The following PLXNA4 variants were observed in gnomAD, a reference collection of about 807,000 sequenced individuals.
The protein encoded by PLXNA4 is plexin A4.
In PLXNA4, 44 loss-of-function variants were observed where a neutral mutation model predicts 191.8. That is an observed-to-expected ratio of 0.23 (90% CI 0.18 to 0.29). PLXNA4 has a LOEUF of 0.29. PLXNA4 is among the 10% of genes least tolerant of loss of function. PLXNA4 has a pLI of 1.00. For missense variants in PLXNA4, 1,800 were observed against 2,488.8 expected, an observed-to-expected ratio of 0.72 and a Z score of 5.89; for synonymous variants, 1,082 against 1,009.5, an observed-to-expected ratio of 1.07 and a Z score of -1.36.
At chr7:132,221,950 A>G (rs893603889) in intron 9 of PLXNA4, among the ~76,000 whole-genome samples, 16 of 152,210 alleles carry the variant, frequency 1.1e-4, no homozygotes, top group Non-Finnish European at 2.1e-4. Context: ...TATCTAGCAA[A>G]GGTTTTATCT....
intron 26 of PLXNA4, 25 bp from the exon 27 acceptor site, chr7:132,148,024 CCTAGGCACAGCAGCT>C: frequency 3.1e-6 from 5 of 1,614,084 alleles, no homozygotes; most frequent in Non-Finnish European, 4.2e-6. Context: ...CTTCTCAGGG[CCTAGGCACAGCAGCT>C]CTGCCACTCC....
At chr7:132,428,522 G>A (rs996612665) in intron 3 of PLXNA4, among the ~76,000 whole-genome samples, 4 of 152,326 alleles carry the variant, frequency 2.6e-5, no homozygotes, top group East Asian at 1.9e-4. Flanking sequence ...TCTAGGGCCC[G>A]AGAGCAGGCG....
rs374306009 is a variant in PLXNA4 at position 132,164,139 on chromosome 7, C to T, written c.4500+3G>A. 18 of 1,613,588 alleles carry T rather than the reference C, an allele frequency of 1.1e-5. No individual in the cohort carries two copies. The highest frequency in any genetic ancestry group is 8.0e-5 in the African/African-American group (6 of 74,934). On this transcript the variant is annotated splice_donor_region_variant and intron_variant, in intron 24 of 31. Transcript: ENST00000321063. ...CCCAGGGGAAACAGATGGGTGGGCT[C>T]ACCAGGGTTTTGTAGTCAATCTGCT...
At chr7:132,499,117 C>T (rs989656336) in intron 2 of PLXNA4, among the ~76,000 whole-genome samples, 1 of 152,216 alleles carries the variant, frequency 6.6e-6, no homozygotes, top group Non-Finnish European at 1.5e-5. Context: ...TAACCAATAG[C>T]GAGCTTTAGC....
intron 3 of PLXNA4, among the ~76,000 whole-genome samples, chr7:132,459,970 A>G (rs1469867102): frequency 2.7e-5 from 4 of 148,782 alleles, no homozygotes; most frequent in Non-Finnish European, 5.9e-5. Flanking sequence ...TAACCTACAC[A>G]TCAGCATATA....
intron 3 of PLXNA4, among the ~76,000 whole-genome samples, chr7:132,433,189 GAAA>G (rs1795338229): frequency 6.6e-6 from 1 of 152,118 alleles, no homozygotes; most frequent in Non-Finnish European, 1.5e-5. Flanking sequence ...AACTTGGGGG[GAAA>G]AATCAATAGT....
chr7:132,628,351 G>A lies in PLXNA4; in HGVS notation c.-87+17577C>T, dbSNP rs773178081. Among the ~76,000 whole-genome samples the A allele has an allele frequency of 8.1e-5, 12 of 147,384 alleles. No homozygotes were observed. In the South Asian group the frequency reaches 8.7e-4, roughly 11 times the overall value. On this transcript the variant is annotated intron_variant, in intron 2 of 4. Coordinates refer to the PLXNA4 transcript ENST00000378539. ...TTCTCTCTTGCTCTGTCTCTCTCTC[G>A]CTCTCTCTCTCTCTCTGTTTCTCTC...
rs1175479037 is a variant in PLXNA4, at chr7:132,493,739, GTGGATGGGTGGATGGATGGATGGA to G, written c.1189-4289_1189-4266del. Among the ~76,000 whole-genome samples the G allele has an allele frequency of 4.9e-5, 7 of 141,780 alleles. No individual in the cohort carries two copies. The East Asian group carries it at 1.3e-3, about 26-fold the overall frequency. 93.0% of individuals were successfully genotyped at this position (141,780 alleles called of 152,430 possible). On this transcript the variant is annotated intron_variant, in intron 2 of 31. Coordinates refer to ENST00000321063, the MANE Select transcript of PLXNA4 (RefSeq NM_020911.2). ...GATGGATGGGTGGATGGGTGGATGG[GTGGATGGGTGGATGGATGGATGGA>G]TGGATGGATGGATGGATGGATGGAT...
chr7:132,136,854 T>C (rs1227296249), intron 30 of PLXNA4, among the ~76,000 whole-genome samples: 1 of 152,172 alleles, frequency 6.6e-6, no homozygotes, highest in Non-Finnish European at 1.5e-5. Flanking sequence ...ATTCCCAATA[T>C]GTACCTTTCA....
intron 3 of PLXNA4, among the ~76,000 whole-genome samples, chr7:132,332,681 T>A (rs949369569): frequency 1.3e-5 from 2 of 150,584 alleles, no homozygotes; most frequent in Non-Finnish European, 3.0e-5. Context: ...AGACCCCATT[T>A]CTAAAAAAAA....
chr7:132,383,100 C>G (rs1804965386), intron 3 of PLXNA4, among the ~76,000 whole-genome samples: 1 of 152,162 alleles, frequency 6.6e-6, no homozygotes, highest in Non-Finnish European at 1.5e-5. Context: ...TTTATCCCAG[C>G]AGTGGGGAAA....
chr7:132,200,726 C>A (rs1442345089), intron 12 of PLXNA4, among the ~76,000 whole-genome samples: 1 of 152,234 alleles, frequency 6.6e-6, no homozygotes, highest in Non-Finnish European at 1.5e-5. Context: ...TCACACATCC[C>A]TGGTGCACGT....
chr7:132,582,548 C>T (rs968145574), intron 2 of PLXNA4, among the ~76,000 whole-genome samples: 1 of 152,152 alleles, frequency 6.6e-6, no homozygotes. Context: ...TCTCTTTAGT[C>T]CCTTGGACCT....
chr7:132,383,269 G>A (rs1804973456), intron 3 of PLXNA4, among the ~76,000 whole-genome samples: 2 of 152,084 alleles, frequency 1.3e-5, no homozygotes, highest in South Asian at 4.1e-4. Flanking sequence ...TAGCTGGCTG[G>A]CTGCACACAC....
intron 3 of PLXNA4, among the ~76,000 whole-genome samples, chr7:132,445,050 G>T (rs1431010085): frequency 6.6e-6 from 1 of 151,162 alleles, no homozygotes; most frequent in African/African-American, 2.4e-5. Context: ...AGCTACTCGG[G>T]AGGCTGAGGC....
chr7:132,605,595 T>C (rs1802907669), intron 2 of PLXNA4, among the ~76,000 whole-genome samples: 1 of 152,046 alleles, frequency 6.6e-6, no homozygotes, highest in African/African-American at 2.4e-5. Context: ...AGTTGGAACT[T>C]GGTTTGGTTA....
chr7:132,216,648 C>G (rs561995131), intron 9 of PLXNA4, among the ~76,000 whole-genome samples: 1 of 152,280 alleles, frequency 6.6e-6, no homozygotes, highest in Admixed American at 6.5e-5. Flanking sequence ...TTTCCATGTG[C>G]TATATTGTTT....
chr7:132,389,617 A>C (rs1352508001), intron 3 of PLXNA4, among the ~76,000 whole-genome samples: 2 of 152,090 alleles, frequency 1.3e-5, no homozygotes, highest in African/African-American at 4.8e-5. Context: ...GTTCTGTTCC[A>C]TTGGTCTAGA....
At chr7:132,632,668 C>A (rs1331411449) in intron 2 of PLXNA4, among the ~76,000 whole-genome samples, 2 of 152,106 alleles carry the variant, frequency 1.3e-5, no homozygotes, top group Non-Finnish European at 2.9e-5. Context: ...TATATTTTGC[C>A]AAATAAGCAC....
Sources: allele counts gnomAD v4.1 joint callset (sites outside exome capture counted in the v4.1 genomes callset), GRCh38; gene constraint gnomAD v4.1.1; transcripts MANE v1.5; gene names NCBI Gene and HGNC (gene_info 2026-07-23, HGNC 2026-07-21).